Variants in AFG1L observed in about 807,000 individuals in gnomAD.
AFG1L encodes AFG1-like ATPase.
In AFG1L, 53 loss-of-function variants were observed where a neutral mutation model predicts 62.2. That is an observed-to-expected ratio of 0.85 (90% CI 0.68 to 1.07). AFG1L has a LOEUF of 1.07. Ranked by LOEUF, AFG1L falls within the 50% of genes least tolerant of loss-of-function variation. The pLI is 0.00. For missense variants in AFG1L, 555 were observed against 590.5 expected (o/e 0.94, Z 0.62); for synonymous variants, 228 against 210.3 (o/e 1.08, Z -0.73).
intron 2 of AFG1L, chr6:108,344,976 C>G (rs1302538913): frequency 8.9e-6 from 3 of 338,504 alleles, no homozygotes; most frequent in Non-Finnish European, 1.7e-5. Flanking sequence ...GCAGGCCTCC[C>G]TCTGACAAGC....
intron 6 of AFG1L, among the ~76,000 whole-genome samples, chr6:108,397,407 G>A (rs565600165): frequency 8.6e-5 from 13 of 151,854 alleles, no homozygotes; most frequent in Non-Finnish European, 1.6e-4. Flanking sequence ...GGGATTATAG[G>A]CGTGAGCCCT....
chr6:108,426,934 A>C (rs1168242169), intron 7 of AFG1L, among the ~76,000 whole-genome samples: 2 of 152,012 alleles, frequency 1.3e-5, no homozygotes, highest in Non-Finnish European at 2.9e-5. Flanking sequence ...CTTTACATTT[A>C]TGTGCATACA....
intron 10 of AFG1L, among the ~76,000 whole-genome samples, chr6:108,482,118 T>C (rs780829896): frequency 6.6e-6 from 1 of 152,210 alleles, no homozygotes; most frequent in Non-Finnish European, 1.5e-5. Flanking sequence ...ACATGCAATG[T>C]TTTGATAATT....
At chr6:108,349,785 T>A (rs1239869371) in intron 3 of AFG1L, among the ~76,000 whole-genome samples, 1 of 151,764 alleles carries the variant, frequency 6.6e-6, no homozygotes, top group East Asian at 1.9e-4. Context: ...AGCATGGTGG[T>A]GTGTGCCTGT....
chr6:108,355,662 A>G lies in AFG1L; in HGVS notation c.424A>G (p.Lys142Glu), dbSNP rs1306947508. The change falls in exon 4 of 13, where the codon AAA becomes GAA. Residue 142 changes from lysine (K) to glutamate (E), a missense_variant. Physicochemically the swap from Lys to Glu is moderately conservative, Grantham distance 56. Coordinates refer to ENST00000368977, the MANE Select transcript of AFG1L (RefSeq NM_145315.5). Reference protein sequence around the residue: ...LYVYGDVGTGKTMVMDMFYAY... With the variant: ...LYVYGDVGTGETMVMDMFYAY... ...TTTTTTTTATTTTTAAGGTACAGGA[A>G]AAACAATGGTGATGGACATGTTTTA... The G allele has an allele frequency of 1.3e-6, 2 of 1,594,332 alleles. No individual in the cohort carries two copies. Among genetic ancestry groups the G allele is most frequent in the Non-Finnish European group, 1.7e-6 (2 of 1,172,028 alleles).
chr6:108,446,491 CTT>C (rs1184074963), intron 7 of AFG1L, among the ~76,000 whole-genome samples: 1 of 122,292 alleles, frequency 8.2e-6, no homozygotes, highest in Non-Finnish European at 1.6e-5. Flanking sequence ...CTCTCTCTCT[CTT>C]TTTTTTTTTT....
At chr6:108,520,480 G>C (rs575372481) in intron 12 of AFG1L, 1 of 152,268 alleles carries the variant, frequency 6.6e-6, no homozygotes, top group South Asian at 2.1e-4. Context: ...CTATAAGAAC[G>C]TTATGAGATG....
At chr6:108,311,879 T>A (rs1254328305) in intron 1 of AFG1L, among the ~76,000 whole-genome samples, 2 of 152,162 alleles carry the variant, frequency 1.3e-5, no homozygotes, top group African/African-American at 2.4e-5. Context: ...ATTTTATTTT[T>A]TTTGAGACAG....
intron 2 of AFG1L, among the ~76,000 whole-genome samples, chr6:108,338,060 C>T (rs1179219784): frequency 2.0e-5 from 3 of 152,082 alleles, no homozygotes; most frequent in Non-Finnish European, 4.4e-5. Context: ...GTGGTGGGCA[C>T]CTGTGGTCCC....
intron 1 of AFG1L, among the ~76,000 whole-genome samples, chr6:108,322,212 G>A (rs1052204841): frequency 1.7e-4 from 26 of 152,240 alleles, no homozygotes; most frequent in African/African-American, 5.5e-4. Context: ...CTGGCCGGAA[G>A]TTTATTATTC....
intron 6 of AFG1L, among the ~76,000 whole-genome samples, chr6:108,393,984 C>G (rs571252994): frequency 2.5e-3 from 314 of 123,828 alleles, no homozygotes; most frequent in African/African-American, 0.011. Context: ...TTTCCTCTTG[C>G]CCTTTTCTCT....
chr6:108,332,738 G>T (rs1006420732), intron 2 of AFG1L, among the ~76,000 whole-genome samples: 6 of 152,172 alleles, frequency 3.9e-5, no homozygotes, highest in Admixed American at 3.9e-4. Flanking sequence ...CTCCCCAGTA[G>T]CAGGGACTAC....
intron 7 of AFG1L, among the ~76,000 whole-genome samples, chr6:108,405,168 T>C (rs1781795034): frequency 6.6e-6 from 1 of 152,198 alleles, no homozygotes. Flanking sequence ...ATCAGATAAT[T>C]CTAACGTCTC....
chr6:108,388,507 G>A (rs1377576626), intron 6 of AFG1L, among the ~76,000 whole-genome samples: 1 of 152,020 alleles, frequency 6.6e-6, no homozygotes, highest in Non-Finnish European at 1.5e-5. Context: ...TTCTCCTGTG[G>A]GCATTTAGTG....
At chr6:108,514,263 T>C (rs1235490822) in intron 11 of AFG1L, among the ~76,000 whole-genome samples, 1 of 152,014 alleles carries the variant, frequency 6.6e-6, no homozygotes, top group Non-Finnish European at 1.5e-5. Flanking sequence ...GATCGGGTTA[T>C]CCACAAAGGG....
intron 11 of AFG1L, among the ~76,000 whole-genome samples, chr6:108,519,000 TAGTC>T (rs1462816955): frequency 1.3e-5 from 2 of 152,194 alleles, no homozygotes; most frequent in East Asian, 3.9e-4. Flanking sequence ...GTAATCATCT[TAGTC>T]AGTATGTGGT....
At chr6:108,412,093 A>G (rs569844666) in intron 7 of AFG1L, among the ~76,000 whole-genome samples, 4 of 152,350 alleles carry the variant, frequency 2.6e-5, no homozygotes, top group African/African-American at 7.2e-5. Context: ...GCTGAAAACC[A>G]TGGCACGAGA....
rs182815926 is a variant in AFG1L, at chr6:108,428,488, G to A, written c.808-18726G>A. 5.4e-4 allele frequency among the ~76,000 whole-genome samples: 82 copies of A among 152,312 alleles called. 2 individuals are homozygous for A. Among genetic ancestry groups the A allele is most frequent in the South Asian group, 4.8e-3 (23 of 4,822 alleles). On this transcript the variant is annotated intron_variant, in intron 7 of 12. Transcript: ENST00000368977. The stretch of plus-strand genomic sequence containing the variant: ...TACCCAATAGTGGGATTGCTGGATA[G>A]AACGGTAGATCTACTTTTAGTTCTC...
At chr6:108,514,670 G>T (rs1233478826) in intron 11 of AFG1L, among the ~76,000 whole-genome samples, 11 of 152,086 alleles carry the variant, frequency 7.2e-5, no homozygotes, top group Admixed American at 6.5e-4. Flanking sequence ...ATGTAAATGG[G>T]CTAAATGCTC....
Sources: gnomAD v4.1 joint callset for allele counts (sites outside exome capture counted in the v4.1 genomes callset) on GRCh38, gnomAD v4.1.1 for gene constraint, MANE v1.5 for transcripts, NCBI Gene and HGNC (gene_info 2026-07-23, HGNC 2026-07-21) for gene names.